LARP4B: variants seen among roughly 807,000 people sequenced by gnomAD.
LARP4B encodes the protein la-related protein 4B.
Under a neutral mutation model 89.8 loss-of-function variants are expected in LARP4B, and 12 were observed. That is an observed-to-expected ratio of 0.13 (90% confidence interval 0.09 to 0.22). The LOEUF is 0.22. Among genes scored for constraint, LARP4B ranks in the 10% least tolerant of loss-of-function variants. The probability of loss-of-function intolerance (pLI) is 1.00; values close to 1 mark genes in which losing one functional copy is unlikely to be tolerated. For synonymous variants in LARP4B, 367 were observed against 363.3 expected (o/e 1.01, Z -0.12); for missense variants, 757 against 947.7 (o/e 0.80, Z 2.64).
At chr10:845,165 A>AAGTGT (rs1554794699) in intron 5 of LARP4B, 110 bp from the exon 6 acceptor site, 6 of 698,054 alleles carry the variant, frequency 8.6e-6, no homozygotes, top group Non-Finnish European at 1.4e-5. Flanking sequence ...ACAACTACGT[A>AAGTGT]AGTGTATCCT....
intron 3 of LARP4B, among the ~76,000 whole-genome samples, chr10:884,096 G>A (rs909981991): frequency 6.6e-6 from 1 of 152,170 alleles, no homozygotes; most frequent in Non-Finnish European, 1.5e-5. Flanking sequence ...TTCAATTTGT[G>A]TGGTTTAAGG....
chr10:831,630 G>T (rs1457896213), intron 8 of LARP4B, among the ~76,000 whole-genome samples: 1 of 152,144 alleles, frequency 6.6e-6, no homozygotes, highest in Non-Finnish European at 1.5e-5. Context: ...TTTCCCACCG[G>T]CCACAGTGGA....
chr10:893,775 G>A (rs928234790), intron 1 of LARP4B, among the ~76,000 whole-genome samples: 2 of 152,150 alleles, frequency 1.3e-5, no homozygotes, highest in African/African-American at 4.8e-5. Context: ...GCAAACTAAG[G>A]GAGGGATTCC....
the LARP4B span, among the ~76,000 whole-genome samples, chr10:979,633 T>C: frequency 6.6e-5 from 10 of 152,206 alleles, no homozygotes; most frequent in African/African-American, 2.4e-4. Flanking sequence ...ACTGGGTCCT[T>C]TGTCATCCTT....
At chr10:936,725 C>G (rs142557187), upstream of LARP4B, among the ~76,000 whole-genome samples, 1,492 of 152,044 alleles carry the variant, frequency 9.8e-3, 19 homozygotes, top group African/African-American at 0.032. Context: ...TGTCCGCCCC[C>G]CAAAAAACAA....
At chr10:824,794 C>CT (rs1832538241) in intron 13 of LARP4B, among the ~76,000 whole-genome samples, 1 of 152,234 alleles carries the variant, frequency 6.6e-6, no homozygotes, top group South Asian at 2.1e-4. Flanking sequence ...CAAGAGGAGA[C>CT]TGCAGGCACA....
At chr10:897,131 C>A (rs1204071101) in intron 1 of LARP4B, among the ~76,000 whole-genome samples, 1 of 151,872 alleles carries the variant, frequency 6.6e-6, no homozygotes, top group Non-Finnish European at 1.5e-5. Flanking sequence ...TCAAATCTTA[C>A]TACAAAGCTA....
intron 5 of LARP4B, among the ~76,000 whole-genome samples, chr10:861,826 T>C (rs1422213225): frequency 6.6e-6 from 1 of 152,256 alleles, no homozygotes; most frequent in Non-Finnish European, 1.5e-5. Flanking sequence ...CATTTCAATT[T>C]AGTCTGAAAC....
chr10:878,132 A>T (rs1480937815), intron 3 of LARP4B, among the ~76,000 whole-genome samples: 1 of 152,230 alleles, frequency 6.6e-6, no homozygotes, highest in East Asian at 1.9e-4. Flanking sequence ...CTGGGGCTGG[A>T]GCAGCGTGCC....
intron 3 of LARP4B, chr10:873,347 G>A: frequency 2.0e-6 from 2 of 985,420 alleles, no homozygotes; most frequent in Non-Finnish European, 2.4e-6. Flanking sequence ...CATACTCCGT[G>A]TGCCCAATTC....
Position 814,776 on chromosome 10 carries a change from G to A in LARP4B, c.1895C>T (p.Ala632Val), listed in dbSNP as rs1351264433. The A allele has an allele frequency of 3.7e-6, 6 of 1,603,782 alleles. No individual in the cohort carries two copies. The highest frequency in any genetic ancestry group is 5.1e-6 in the Non-Finnish European group (6 of 1,174,510). The change falls in exon 17 of 18, where the codon GCG (alanine) becomes GTG (valine). Residue 632 changes from alanine to valine, a missense_variant. Ala to Val is a moderately conservative substitution (Grantham distance 64). Around this residue, in one of 5 missense-constraint regions of LARP4B, gnomAD observed 387 missense variants for 423.6 expected, o/e 0.91. Transcript: ENST00000316157. This position sits in a 1 kb window ranked among gnomAD's most constrained non-coding sequence, Gnocchi z 4.4. ...TCCGTTCACCTGCACCGATTTACAC[G>A]CGGTCGCAGTGAGGGCGGAAGGAAG... ...DRLPSALTAT[A>V]CKSVQVNGAA...
chr10:891,633 C>T (rs760375046), intron 1 of LARP4B, among the ~76,000 whole-genome samples: 4 of 152,124 alleles, frequency 2.6e-5, no homozygotes, highest in Non-Finnish European at 4.4e-5. Context: ...TACCTTTGTA[C>T]ATTTGAAATT....
At chr10:963,965 A>G in the LARP4B span, among the ~76,000 whole-genome samples, 11 of 152,350 alleles carry the variant, frequency 7.2e-5, no homozygotes, top group African/African-American at 2.6e-4. Context: ...CATTCAAACC[A>G]TAGCAGGGAG....
At chr10:936,004 A>C (rs917998565), upstream of LARP4B, among the ~76,000 whole-genome samples, 1 of 151,632 alleles carries the variant, frequency 6.6e-6, no homozygotes, top group Non-Finnish European at 1.5e-5. Context: ...TCCGCCTCCC[A>C]AAAATGCTGG....
intron 1 of LARP4B, among the ~76,000 whole-genome samples, chr10:888,652 A>G (rs1213032935): frequency 6.6e-6 from 1 of 152,240 alleles, no homozygotes; most frequent in Non-Finnish European, 1.5e-5. Flanking sequence ...TATGAGCCAC[A>G]CACATTTTTA....
At chr10:840,032 C>T (rs752907566) in intron 7 of LARP4B, among the ~76,000 whole-genome samples, 8 of 152,082 alleles carry the variant, frequency 5.3e-5, no homozygotes, top group African/African-American at 9.6e-5. Context: ...ATTGCATAAT[C>T]GACTCCATTT....
At chr10:857,701 C>T (rs957313543) in intron 5 of LARP4B, among the ~76,000 whole-genome samples, 2 of 152,164 alleles carry the variant, frequency 1.3e-5, no homozygotes, top group African/African-American at 2.4e-5. Context: ...ACTCCTGCTG[C>T]CTGGTTAGTC....
intron 1 of LARP4B, among the ~76,000 whole-genome samples, chr10:930,645 C>T (rs374711491): frequency 1.7e-4 from 26 of 152,218 alleles, no homozygotes; most frequent in Admixed American, 1.6e-3. Context: ...TTTCCGATGG[C>T]TTCTCTGCCG....
rs751619854 is a variant in LARP4B at position 814,977 on chromosome 10, C to T, written c.1789G>A (p.Glu597Lys). Residue 597 changes from glutamate to lysine, a missense_variant, in exon 16 of 18, where the codon GAG becomes AAG. Coordinates refer to ENST00000316157, the MANE Select transcript of LARP4B (RefSeq NM_015155.3). The surrounding 1 kb of genome is among the most constrained non-coding windows in gnomAD (Gnocchi z 4.4). ...PASCAVSATY[E>K]RSPSPAHLPD... ...AAATGAGCTGGGGAGGGGGATCGCT[C>T]GTACGTTGCTGATACAGCACAAGAA... 60 of 1,605,966 alleles carry T rather than the reference C, an allele frequency of 3.7e-5. 1 individual carries two copies. Among genetic ancestry groups the T allele is most frequent in the South Asian group, 8.9e-5 (8 of 90,058 alleles).
Sources: gnomAD v4.1 joint callset for allele counts (sites outside exome capture counted in the v4.1 genomes callset) on GRCh38, gnomAD v4.1.1 for gene constraint, gnomAD v4.1.1 regional missense constraint, Gnocchi (gnomAD v3.1) non-coding constraint, MANE v1.5 for transcripts, NCBI Gene and HGNC (gene_info 2026-07-23, HGNC 2026-07-21) for gene names.